Variants in SPATA9 observed in about 807,000 individuals in gnomAD.
SPATA9 encodes spermatogenesis-associated protein 9.
SPATA9 carries 27 observed loss-of-function variants against 25.5 expected under a neutral mutation model. The ratio of observed to expected loss-of-function variants is 1.06; its 90% CI spans 0.78 to 1.46. The LOEUF (loss-of-function observed/expected upper bound fraction) is 1.46. SPATA9 is among the 40% of genes most tolerant of loss of function. SPATA9 has a pLI of 0.00. For synonymous variants in SPATA9, 102 were observed against 105.7 expected, an observed-to-expected ratio of 0.97 and a Z score of 0.21; for missense variants, 282 against 297.5, an observed-to-expected ratio of 0.95 and a Z score of 0.38.
intron 3 of SPATA9, among the ~76,000 whole-genome samples, chr5:95,668,949 G>A (rs1272785564): frequency 6.6e-6 from 1 of 152,174 alleles, no homozygotes; most frequent in Admixed American, 6.6e-5. Flanking sequence ...GGGAGTCATA[G>A]GGGAAGTTCT....
chr5:95,670,840 C>G, intron 3 of SPATA9: 1 of 985,388 alleles, frequency 1.0e-6, no homozygotes, highest in South Asian at 4.7e-5. Flanking sequence ...CTTTGACTCT[C>G]CAGGCCATTG....
the SPATA9 span, among the ~76,000 whole-genome samples, chr5:95,706,971 C>G: frequency 6.6e-6 from 1 of 152,118 alleles, no homozygotes; most frequent in Non-Finnish European, 1.5e-5. Context: ...TATAACATAA[C>G]AGGGCAATGT....
intron 4 of SPATA9, 95 bp downstream of exon 4, chr5:95,663,858 A>T: frequency 5.0e-6 from 3 of 604,516 alleles, no homozygotes; most frequent in Non-Finnish European, 7.5e-6. Flanking sequence ...GAATGGTAAC[A>T]TTAAATATTG....
rs186707351 is a variant in SPATA9 at position 95,690,912 on chromosome 5, A to G, written n.124+7676T>C. On this transcript the variant is annotated intron_variant and non_coding_transcript_variant, in intron 1 of 2. Coordinates refer to the SPATA9 transcript ENST00000379990. The stretch of plus-strand genomic sequence containing the variant: ...TTTTAATCTATATATAGTCAAATAA[A>G]ACTGTCTTTTCTTTTTAAAGCTTCT... Among the ~76,000 whole-genome samples the G allele has an allele frequency of 2.8e-4, 42 of 152,280 alleles. 1 individual carries two copies. The East Asian group carries it at 8.1e-3, about 29-fold the overall frequency.
chr5:95,704,716 A>T, the SPATA9 span, among the ~76,000 whole-genome samples: 1 of 152,170 alleles, frequency 6.6e-6, no homozygotes, highest in Non-Finnish European at 1.5e-5. Context: ...TAATTTATAA[A>T]GAACAGAAAT....
chr5:95,715,192 T>C, the SPATA9 span, among the ~76,000 whole-genome samples: 9 of 151,762 alleles, frequency 5.9e-5, no homozygotes, highest in Admixed American at 3.9e-4. Context: ...GGCGTGGTGG[T>C]GCATGCCTGT....
intron 4 of SPATA9, among the ~76,000 whole-genome samples, chr5:95,661,298 TTC>T (rs1381447396): frequency 6.6e-6 from 1 of 152,134 alleles, no homozygotes; most frequent in Non-Finnish European, 1.5e-5. Context: ...TTCTTCATAT[TTC>T]TGTTGACTTA....
the SPATA9 span, among the ~76,000 whole-genome samples, chr5:95,730,058 G>A: frequency 1.3e-5 from 2 of 151,632 alleles, no homozygotes; most frequent in East Asian, 1.9e-4. Context: ...AAGAGAAATC[G>A]TAGAAAATGC....
chr5:95,721,442 A>C, the SPATA9 span, among the ~76,000 whole-genome samples: 142 of 152,318 alleles, frequency 9.3e-4, no homozygotes, highest in African/African-American at 3.1e-3. Flanking sequence ...CATTAGCAGA[A>C]ACAGAATGGG....
chr5:95,690,627 A>T (rs888588216), intron 1 of SPATA9, among the ~76,000 whole-genome samples: 5 of 152,314 alleles, frequency 3.3e-5, no homozygotes, highest in Admixed American at 3.3e-4. Context: ...CATCACTAAT[A>T]TGGGACAAAC....
At chr5:95,697,588 TA>T (rs1275772689) in intron 1 of SPATA9, among the ~76,000 whole-genome samples, 2 of 152,282 alleles carry the variant, frequency 1.3e-5, no homozygotes, top group East Asian at 3.9e-4. Context: ...GGAGGGAAGG[TA>T]ACCTCCGTCT....
chr5:95,664,138 A>AT (rs1215788391), intron 3 of SPATA9, 90 bp from the exon 4 acceptor site: 16 of 677,552 alleles, frequency 2.4e-5, no homozygotes, highest in Non-Finnish European at 3.6e-5. Flanking sequence ...ATGAGAATTT[A>AT]TTTTTTTCTA....
chr5:95,693,599 A>C (rs1753940647), intron 1 of SPATA9, among the ~76,000 whole-genome samples: 1 of 152,244 alleles, frequency 6.6e-6, no homozygotes, highest in East Asian at 1.9e-4. Context: ...TTCTTTCATT[A>C]GTAACTTGCT....
At chr5:95,657,627 G>A (rs1750840111), downstream of SPATA9, 1 of 152,024 alleles carries the variant, frequency 6.6e-6, no homozygotes, top group Non-Finnish European at 1.5e-5. Flanking sequence ...AATGAGTAAG[G>A]TCCGTATAGT....
chr5:95,700,413 C>T (rs1754150079), upstream of SPATA9, among the ~76,000 whole-genome samples: 2 of 152,238 alleles, frequency 1.3e-5, no homozygotes, highest in South Asian at 4.1e-4. Flanking sequence ...GATTCTCCTG[C>T]CTCAGCCTCC....
chr5:95,654,392 A>C (rs771165683), downstream of SPATA9: 1 of 1,408,360 alleles, frequency 7.1e-7, no homozygotes, highest in Non-Finnish European at 9.9e-7. Context: ...ATTTATTTTC[A>C]GCAAATTCAG....
the SPATA9 span, chr5:95,732,098 G>T: frequency 6.2e-7 from 1 of 1,608,568 alleles, no homozygotes; most frequent in Non-Finnish European, 8.5e-7. Context: ...AGGAAGAGCA[G>T]CTGCTCCGCG....
the SPATA9 span, among the ~76,000 whole-genome samples, chr5:95,712,911 A>G: frequency 6.6e-6 from 1 of 152,064 alleles, no homozygotes; most frequent in African/African-American, 2.4e-5. Context: ...TTTTTTTATC[A>G]ATGTTTAAAG....
intron 2 of SPATA9, 66 bp from the exon 3 acceptor site, chr5:95,675,705 G>A (rs903885876): frequency 2.3e-6 from 3 of 1,318,186 alleles, no homozygotes; most frequent in Non-Finnish European, 1.1e-6. Context: ...AACTACTTCC[G>A]GCAGAGACTG....
Sources: allele counts gnomAD v4.1 joint callset (sites outside exome capture counted in the v4.1 genomes callset), GRCh38; gene constraint gnomAD v4.1.1; transcripts MANE v1.5; gene names NCBI Gene and HGNC (gene_info 2026-07-23, HGNC 2026-07-21).